The following ZNF346 variants were observed in gnomAD, a reference collection of about 807,000 sequenced individuals.
The protein encoded by ZNF346 is zinc finger protein 346.
Under a neutral mutation model 33.7 loss-of-function variants are expected in ZNF346, and 23 were observed. The observed-to-expected ratio is 0.68, with a 90% confidence interval of 0.49 to 0.97. The LOEUF (loss-of-function observed/expected upper bound fraction) is 0.97, where lower values mean the gene tolerates loss of function less well. Among genes scored for constraint, ZNF346 ranks in the 50% least tolerant of loss-of-function variants. The pLI is 0.00. For missense variants in ZNF346, 340 were observed against 371.1 expected (o/e 0.92, Z 0.69); for synonymous variants, 134 against 142.4 (o/e 0.94, Z 0.42).
At chr5:177,026,352 ATTTTTTTT>A (rs59380094) in intron 1 of ZNF346, among the ~76,000 whole-genome samples, 3 of 101,900 alleles carry the variant, frequency 2.9e-5, no homozygotes, top group African/African-American at 8.5e-5. Context: ...TGGATTGGTA[ATTTTTTTT>A]TTTTTTTTTT....
At chr5:177,047,920 T>G (rs1043513767) in intron 4 of ZNF346, among the ~76,000 whole-genome samples, 1 of 152,162 alleles carries the variant, frequency 6.6e-6, no homozygotes, top group African/African-American at 2.4e-5. Context: ...ATTACAGACA[T>G]GAGCCACCGC....
intron 1 of ZNF346, among the ~76,000 whole-genome samples, chr5:177,029,081 C>T (rs1777307807): frequency 6.6e-6 from 1 of 151,994 alleles, no homozygotes; most frequent in Non-Finnish European, 1.5e-5. Context: ...TTGAGAAGTC[C>T]CTAGATTACC....
At chr5:177,022,964 G>T in intron 1 of ZNF346, 51 bp downstream of exon 1, 2 of 1,441,526 alleles carry the variant, frequency 1.4e-6, no homozygotes, top group South Asian at 2.9e-5. Flanking sequence ...TGCGCGGCTC[G>T]CGGGGAACTG....
intron 8 of ZNF346, among the ~76,000 whole-genome samples, chr5:177,075,750 A>G (rs1399926263): frequency 2.0e-5 from 3 of 151,620 alleles, no homozygotes; most frequent in African/African-American, 7.3e-5. Context: ...GCAGTGGTGC[A>G]ATCTCGGCTC....
At chr5:177,039,976 C>T (rs1390879930) in intron 1 of ZNF346, among the ~76,000 whole-genome samples, 3 of 151,892 alleles carry the variant, frequency 2.0e-5, no homozygotes, top group Non-Finnish European at 2.9e-5. Context: ...GTCAGGAGAT[C>T]GAGACCATCC....
chr5:177,070,173 T>C (rs559636965), downstream of ZNF346, among the ~76,000 whole-genome samples: 3 of 152,294 alleles, frequency 2.0e-5, no homozygotes, highest in East Asian at 5.8e-4. Flanking sequence ...TCACCAGCAG[T>C]GTGTGGGAGC....
chr5:177,077,876 G>A lies in ZNF346; in HGVS notation c.*3-1506G>A, dbSNP rs1783828273. On this transcript the variant is annotated intron_variant, in intron 8 of 8. Transcript: ENST00000503039. This position sits in a 1 kb window ranked among gnomAD's most constrained non-coding sequence, Gnocchi z 5.0. The stretch of plus-strand genomic sequence containing the variant: ...AAAAAGGAATGCCTGGCCAGGCGCG[G>A]TGGCTCACGCCTGTAATCCCAGCAC... 6.6e-6 allele frequency among the ~76,000 whole-genome samples: 1 copy of A among 152,222 alleles called. No homozygotes were observed. Among genetic ancestry groups the A allele is most frequent in the South Asian group, 2.1e-4 (1 of 4,830 alleles).
At chr5:177,046,278 G>C (rs1455697593) in intron 4 of ZNF346, among the ~76,000 whole-genome samples, 2 of 149,726 alleles carry the variant, frequency 1.3e-5, no homozygotes, top group African/African-American at 5.0e-5. Context: ...ACCAGCCTGG[G>C]GGACAGAGCA....
At chr5:177,057,760 A>C (rs115093360) in intron 5 of ZNF346, among the ~76,000 whole-genome samples, 72 of 151,128 alleles carry the variant, frequency 4.8e-4, no homozygotes, top group African/African-American at 1.7e-3. Context: ...AAGAAAAATC[A>C]GGTGTTCTAC....
At chr5:177,064,156 A>G (rs1186553016) in intron 6 of ZNF346, among the ~76,000 whole-genome samples, 2 of 152,148 alleles carry the variant, frequency 1.3e-5, no homozygotes, top group Admixed American at 6.6e-5. Flanking sequence ...CCACTACCAA[A>G]TGGAATGAGT....
At chr5:177,070,905 C>T (rs1392430707), downstream of ZNF346, among the ~76,000 whole-genome samples, 1 of 152,156 alleles carries the variant, frequency 6.6e-6, no homozygotes, top group Non-Finnish European at 1.5e-5. Context: ...GCCAGTGACA[C>T]TACTGAGGTG....
rs770336571 is a variant in ZNF346 at position 177,022,758 on chromosome 5, C to G, written c.20C>G (p.Ala7Gly). The G allele has an allele frequency of 3.2e-6, 5 of 1,556,654 alleles. No homozygotes were observed. Among genetic ancestry groups the G allele is most frequent in the Non-Finnish European group, 4.3e-6 (5 of 1,154,762 alleles). ...GGGAAGATGGAGTATCCCGCGCCGG[C>G]CACGGTGCAGGCCGCGGACGGCGGA... MEYPAP[A>G]TVQAADGGAA... The change falls in exon 1 of 7, where the codon GCC becomes GGC. Residue 7 changes from alanine (A) to glycine (G), a missense_variant. Coordinates refer to ENST00000358149, the MANE Select transcript of ZNF346 (RefSeq NM_012279.4).
chr5:177,025,782 T>C (rs989725152), intron 1 of ZNF346, among the ~76,000 whole-genome samples: 2 of 152,190 alleles, frequency 1.3e-5, no homozygotes, highest in African/African-American at 4.8e-5. Flanking sequence ...TCTTTTATTA[T>C]AGATATGATT....
intron 8 of ZNF346, among the ~76,000 whole-genome samples, chr5:177,076,778 C>T (rs943466177): frequency 8.5e-5 from 13 of 152,174 alleles, no homozygotes; most frequent in Non-Finnish European, 8.8e-5. Flanking sequence ...TGGTGGCTCA[C>T]GCCTGTAATC....
chr5:177,046,486 T>C (rs551597107), intron 4 of ZNF346, among the ~76,000 whole-genome samples: 59 of 152,330 alleles, frequency 3.9e-4, no homozygotes, highest in African/African-American at 1.4e-3. Flanking sequence ...GTACCCTTTA[T>C]ATCCCGCTTT....
At chr5:177,033,885 T>C (rs891935391) in intron 1 of ZNF346, among the ~76,000 whole-genome samples, 17 of 152,126 alleles carry the variant, frequency 1.1e-4, no homozygotes, top group African/African-American at 3.4e-4. Flanking sequence ...GCCTAAGGAA[T>C]AGCAAGTCAT....
At chr5:177,034,501 A>G (rs770737094) in intron 1 of ZNF346, among the ~76,000 whole-genome samples, 21 of 152,158 alleles carry the variant, frequency 1.4e-4, no homozygotes, top group Non-Finnish European at 2.4e-4. Flanking sequence ...TGCTGGGATT[A>G]TAGGCATGAA....
intron 3 of ZNF346, among the ~76,000 whole-genome samples, chr5:177,042,735 A>C (rs1273434987): frequency 6.6e-6 from 1 of 151,932 alleles, no homozygotes; most frequent in Non-Finnish European, 1.5e-5. Context: ...CTATTTCTCT[A>C]TCTGTCTATT....
intron 4 of ZNF346, among the ~76,000 whole-genome samples, chr5:177,048,450 C>T (rs532636535): frequency 2.0e-5 from 3 of 152,200 alleles, no homozygotes; most frequent in Admixed American, 6.5e-5. Context: ...GGAGAAACCC[C>T]ATCTCTACTA....
Sources: gnomAD v4.1 joint callset for allele counts (sites outside exome capture counted in the v4.1 genomes callset) on GRCh38, gnomAD v4.1.1 for gene constraint, Gnocchi (gnomAD v3.1) non-coding constraint, MANE v1.5 for transcripts, NCBI Gene and HGNC (gene_info 2026-07-23, HGNC 2026-07-21) for gene names.